The following ABI1 variants were observed in gnomAD, a reference collection of about 807,000 sequenced individuals.
ABI1 encodes abl interactor 1, also known as Abelson interactor 1.
ABI1 carries 14 observed loss-of-function variants against 54.6 expected under a neutral mutation model. The ratio of observed to expected loss-of-function variants is 0.26; its 90% CI spans 0.17 to 0.40. The LOEUF is 0.40. Among genes scored for constraint, ABI1 ranks in the 10% least tolerant of loss-of-function variants. ABI1 has a pLI of 1.00. For synonymous variants in ABI1, 194 were observed against 209.3 expected (o/e 0.93, Z 0.63); for missense variants, 443 against 598.3 (o/e 0.74, Z 2.71).
At chr10:26,771,290 A>C (rs1350069455) in intron 3 of ABI1, among the ~76,000 whole-genome samples, 1 of 152,206 alleles carries the variant, frequency 6.6e-6, no homozygotes, top group African/African-American at 2.4e-5. Flanking sequence ...TTTTCAAAAG[A>C]ATTATATTCA....
chr10:26,850,797 C>A (rs1011512338), intron 1 of ABI1, among the ~76,000 whole-genome samples: 1 of 151,148 alleles, frequency 6.6e-6, no homozygotes, highest in Non-Finnish European at 1.5e-5. Flanking sequence ...TTCAAACAAG[C>A]GGAGGGGTCA....
chr10:26,752,951 A>G (rs1163233062), intron 9 of ABI1, among the ~76,000 whole-genome samples: 2 of 152,180 alleles, frequency 1.3e-5, no homozygotes, highest in East Asian at 1.9e-4. Context: ...AGTTCATAAT[A>G]CAAACATACT....
At chr10:26,856,122 C>T (rs2050787102) in intron 1 of ABI1, among the ~76,000 whole-genome samples, 1 of 151,528 alleles carries the variant, frequency 6.6e-6, no homozygotes, top group Admixed American at 6.6e-5. Flanking sequence ...CCTGTCTCTA[C>T]TAAAAATGCA....
At position 26,778,118 on chromosome 10, in the gene ABI1, G is replaced by GT. The variant is rs111764320; in HGVS notation, c.286-878dup. On this transcript the variant is annotated intron_variant, in intron 2 of 10. Coordinates refer to ENST00000376140, the MANE Select transcript of ABI1 (RefSeq NM_001012750.3). Reference sequence around the variant, plus strand: ...AGAGAATAACATCCTGCAGACAAAGGTTTAAGAGAGAAAAATGGTAAGAGC... The same window carrying GT: ...AGAGAATAACATCCTGCAGACAAAGGTTTTAAGAGAGAAAAATGGTAAGAGC... 2.7e-3 allele frequency among the ~76,000 whole-genome samples: 406 copies of GT among 152,186 alleles called. 1 individual carries two copies. The highest frequency in any genetic ancestry group is 9.5e-3 in the African/African-American group (395 of 41,504).
chr10:26,760,888 CAAAAAAAAAAAAAA>C (rs57750390), intron 7 of ABI1, among the ~76,000 whole-genome samples: 19 of 49,444 alleles, frequency 3.8e-4, no homozygotes, highest in East Asian at 1.3e-3. Context: ...GACTCCATCT[CAAAAAAAAAAAAAA>C]AAAAAAAAAA....
chr10:26,858,352 C>T (rs181641547), intron 1 of ABI1, among the ~76,000 whole-genome samples: 137 of 152,150 alleles, frequency 9.0e-4, no homozygotes, highest in African/African-American at 2.9e-3. Context: ...CTGAGCCTGA[C>T]CCTGTCTGAG....
At chr10:26,828,986 G>A (rs1171214085) in intron 1 of ABI1, among the ~76,000 whole-genome samples, 1 of 152,140 alleles carries the variant, frequency 6.6e-6, no homozygotes, top group Non-Finnish European at 1.5e-5. Flanking sequence ...CAGCACTTTG[G>A]GAGGCCAAGG....
At chr10:26,830,562 A>G (rs2133902672) in intron 1 of ABI1, among the ~76,000 whole-genome samples, 1 of 150,210 alleles carries the variant, frequency 6.7e-6, no homozygotes, top group East Asian at 2.1e-4. Context: ...TGAGGCTGCA[A>G]TGAGCTGTGA....
At chr10:26,837,791 C>T (rs111500557) in intron 1 of ABI1, among the ~76,000 whole-genome samples, 34,235 of 143,008 alleles carry the variant, frequency 0.24, 4,630 homozygotes, top group South Asian at 0.41. Flanking sequence ...ATTTTTGTAT[C>T]TTTAGTAGAG....
chr10:26,768,659 T>A (rs560850323), intron 6 of ABI1, among the ~76,000 whole-genome samples, 193 bp downstream of exon 6: 12 of 151,904 alleles, frequency 7.9e-5, no homozygotes, highest in Non-Finnish European at 1.3e-4. Flanking sequence ...TTTTAAAAAG[T>A]TAAAAAAACA....
intron 2 of ABI1, among the ~76,000 whole-genome samples, chr10:26,818,446 C>T (rs1176809238): frequency 6.6e-6 from 1 of 151,650 alleles, no homozygotes; most frequent in African/African-American, 2.4e-5. Context: ...TGGTGAAACC[C>T]CGTCTCTACT....
At chr10:26,777,463 G>T (rs888692920) in intron 2 of ABI1, among the ~76,000 whole-genome samples, 5 of 152,134 alleles carry the variant, frequency 3.3e-5, no homozygotes, top group African/African-American at 1.2e-4. Flanking sequence ...CAATTCTCTG[G>T]AAAGCAGTTT....
intron 2 of ABI1, among the ~76,000 whole-genome samples, chr10:26,805,755 C>T (rs2046838119): frequency 6.6e-6 from 1 of 152,206 alleles, no homozygotes; most frequent in South Asian, 2.1e-4. Flanking sequence ...TTCAGGAAGA[C>T]TGATGCTTAT....
At chr10:26,842,500 G>C (rs1161186063) in intron 1 of ABI1, among the ~76,000 whole-genome samples, 1 of 152,032 alleles carries the variant, frequency 6.6e-6, no homozygotes, top group Non-Finnish European at 1.5e-5. Flanking sequence ...GAAAATTCTA[G>C]CTGGACACCA....
At chr10:26,779,255 C>G (rs548098654) in intron 2 of ABI1, among the ~76,000 whole-genome samples, 19 of 152,244 alleles carry the variant, frequency 1.2e-4, no homozygotes, top group Admixed American at 3.3e-4. Context: ...TATGGTCAAC[C>G]AGGCAATGAA....
At chr10:26,761,109 A>G (rs1839095058) in intron 7 of ABI1, among the ~76,000 whole-genome samples, 1 of 151,462 alleles carries the variant, frequency 6.6e-6, no homozygotes, top group Admixed American at 6.6e-5. Flanking sequence ...AACCCATCTA[A>G]TTTTTTATGT....
At chr10:26,784,569 G>A (rs1304517662) in intron 2 of ABI1, among the ~76,000 whole-genome samples, 3 of 152,040 alleles carry the variant, frequency 2.0e-5, no homozygotes, top group Admixed American at 6.6e-5. Flanking sequence ...TGGGGGGAGC[G>A]GGGAGAAGTA....
chr10:26,829,863 T>C (rs2048550983), intron 1 of ABI1, among the ~76,000 whole-genome samples: 2 of 152,200 alleles, frequency 1.3e-5, no homozygotes, highest in African/African-American at 4.8e-5. Context: ...ACGAAATGCA[T>C]ACATTAAAAT....
chr10:26,808,808 TAA>T (rs2047037918), intron 2 of ABI1, among the ~76,000 whole-genome samples: 1 of 150,328 alleles, frequency 6.7e-6, no homozygotes, highest in Admixed American at 6.6e-5. Context: ...AAATTGTTTT[TAA>T]AAGATTCCAG....
Sources: gnomAD v4.1 joint callset for allele counts (sites outside exome capture counted in the v4.1 genomes callset) on GRCh38, gnomAD v4.1.1 for gene constraint, MANE v1.5 for transcripts, NCBI Gene and HGNC (gene_info 2026-07-23, HGNC 2026-07-21) for gene names.